CARD14: variants seen among roughly 807,000 people sequenced by gnomAD.
The protein encoded by CARD14 is caspase recruitment domain family member 14.
Under a neutral mutation model 111.5 loss-of-function variants are expected in CARD14, and 107 were observed. That is an observed-to-expected ratio of 0.96 (90% CI 0.82 to 1.13). CARD14 has a LOEUF of 1.13. Ranked by LOEUF, CARD14 falls within the 50% of genes most tolerant of loss-of-function variation. The probability of loss-of-function intolerance (pLI) is 0.00; values close to 1 mark genes in which losing one functional copy is unlikely to be tolerated. For missense variants in CARD14, 1,322 were observed against 1,362.3 expected (o/e 0.97, Z 0.47); for synonymous variants, 617 against 579.6 (o/e 1.06, Z -0.93).
intron 10 of CARD14, 43 bp from the exon 11 acceptor site, chr17:80,191,280 G>T (rs374706201): frequency 6.3e-7 from 1 of 1,593,058 alleles, no homozygotes; most frequent in African/African-American, 1.3e-5. Flanking sequence ...GAGGCTCCCC[G>T]GTGGTGATGG....
At chr17:80,200,134 A>T (rs1184644772) in intron 16 of CARD14, among the ~76,000 whole-genome samples, 1 of 150,632 alleles carries the variant, frequency 6.6e-6, no homozygotes, top group African/African-American at 2.5e-5. Context: ...CCAAATGCTG[A>T]GCTCCCCTAG....
chr17:80,209,284 GA>G lies in CARD14; in HGVS notation c.*944del. On this transcript the variant is annotated 3_prime_UTR_variant, in exon 24 of 24. Transcript: ENST00000648509. ...GTTGGTATCATCATAAATGAGTTCA[GA>G]AAAAGAACTTCTGTATATTTTACTA... is the stretch of plus-strand genomic sequence containing the variant. 1.0e-6 allele frequency: 1 copy of G among 982,642 alleles called. No homozygotes were observed. Among genetic ancestry groups the G allele is most frequent in the Non-Finnish European group, 1.2e-6 (1 of 827,400 alleles). The allele number at this position is 982,642 out of a possible 1,614,324, so 60.9% of individuals were successfully genotyped here.
In CARD14 at chr17:80,181,587, G is replaced by A. The variant is rs568127402; in HGVS notation, c.149G>A (p.Cys50Tyr). Reference protein sequence around the residue: ...TPYLRQAKVLCQLDEEEVLHS... With the variant: ...TPYLRQAKVLYQLDEEEVLHS... ...TACCTGCGCCAGGCCAAGGTGCTGT[G>A]CCAGCTGGACGAGGAGGAGGTGCTG... is the stretch of plus-strand genomic sequence containing the variant. Residue 50 changes from cysteine to tyrosine, a missense_variant, in exon 5 of 24, where the codon TGC (cysteine) becomes TAC (tyrosine). By Grantham distance (194) the Cys-to-Tyr change is radical (BLOSUM62 -2). Transcript: ENST00000648509. 1.7e-5 allele frequency: 26 copies of A among 1,563,038 alleles called. 1 individual carries two copies. In the Admixed American group the frequency reaches 1.9e-4, roughly 11 times the overall value.
At position 80,205,213 on chromosome 17, in the gene CARD14, G is replaced by A. The variant is rs373649706; in HGVS notation, c.2569+8G>A. ...TTAAGAAGTGCCTGGCAGGTATGCT[G>A]TTGCCTGGGAATCCCTCTACCCCTT... On this transcript the variant is annotated splice_region_variant and intron_variant, in intron 21 of 23. Transcript: ENST00000648509. 3 of 1,607,350 alleles carry A rather than the reference G, an allele frequency of 1.9e-6. No individual in the cohort carries two copies. The highest frequency in any genetic ancestry group is 2.6e-6 in the Non-Finnish European group (3 of 1,175,838).
At chr17:80,194,681 C>A (rs562961691) in intron 12 of CARD14, among the ~76,000 whole-genome samples, 5 of 152,096 alleles carry the variant, frequency 3.3e-5, no homozygotes, top group Non-Finnish European at 2.9e-5. Flanking sequence ...CTTCGCAGAG[C>A]GGCAGGAGAG....
chr17:80,184,239 G>GT lies in CARD14; in HGVS notation c.675+2dup. Reference sequence around the variant, plus strand: ...ACGCTGCCGCAGCCTGCAGGAGGAGGTAGGGGGACACCCTGCACCCCGGCG... The same window carrying GT: ...ACGCTGCCGCAGCCTGCAGGAGGAGGTTAGGGGGACACCCTGCACCCCGGCG... On this transcript the variant is annotated splice_donor_variant, in intron 7 of 23. Coordinates refer to ENST00000648509, the MANE Select transcript of CARD14 (RefSeq NM_001366385.1). LOFTEE classifies it high-confidence loss of function. The GT allele has an allele frequency of 6.6e-7, 1 of 1,519,178 alleles. No individual in the cohort carries two copies. The allele number at this position is 1,519,178 out of a possible 1,614,324, so 94.1% of individuals were successfully genotyped here.
chr17:80,202,617 A>G, intron 18 of CARD14, 197 bp downstream of exon 18: 1 of 1,423,568 alleles, frequency 7.0e-7, no homozygotes, highest in Non-Finnish European at 9.2e-7. Context: ...TGCAAATGAA[A>G]TGTTCATTCT....
rs2144263868 is a variant in CARD14 at position 80,191,019 on chromosome 17, T to G, written c.1089+120T>G. The G allele has an allele frequency of 2.2e-6, 3 of 1,369,420 alleles. No individual in the cohort carries two copies. In the South Asian group the frequency reaches 4.1e-5, roughly 19 times the overall value. 84.8% of individuals were successfully genotyped at this position (1,369,420 alleles called of 1,614,324 possible). A position where few individuals can be genotyped will look rare whatever the true frequency, so the allele number is the denominator to read the frequency against. On this transcript the variant is annotated intron_variant, in intron 10 of 23. Transcript: ENST00000648509. ...TGGCAGCTGGTCCCAGATTTCAGGG[T>G]CTCTTTCCTCGGTCCACACGAAGTT... is the stretch of plus-strand genomic sequence containing the variant.
intron 17 of CARD14, 128 bp from the exon 18 acceptor site, chr17:80,202,052 A>T: frequency 8.3e-7 from 1 of 1,200,710 alleles, no homozygotes; most frequent in Non-Finnish European, 1.2e-6. Context: ...CCACCCACTG[A>T]CTCCAGTGCC....
Position 80,189,087 on chromosome 17 carries a change from A to C in CARD14, c.843+543A>C, listed in dbSNP as rs1381121589. On this transcript the variant is annotated intron_variant, in intron 8 of 23. Coordinates refer to ENST00000648509, the MANE Select transcript of CARD14 (RefSeq NM_001366385.1). This position sits in a 1 kb window ranked among gnomAD's most constrained non-coding sequence, Gnocchi z 4.7. ...ATAAAAGCCGCTGGAGGTGCATCAC[A>C]ATGCCCGACTTGGTGGGTTTACTGC... 6.6e-6 allele frequency among the ~76,000 whole-genome samples: 1 copy of C among 152,092 alleles called. No individual in the cohort carries two copies. The highest frequency in any genetic ancestry group is 1.5e-5 in the Non-Finnish European group (1 of 68,022).
rs1170113307 is a variant in CARD14, at chr17:80,208,715, G to C, written c.*370G>C. 1.0e-5 allele frequency: 2 copies of C among 199,930 alleles called. No individual in the cohort carries two copies. Among genetic ancestry groups the C allele is most frequent in the Non-Finnish European group, 2.0e-5 (2 of 99,950 alleles). The allele number at this position is 199,930 out of a possible 1,614,324, so 12.4% of individuals were successfully genotyped here. A position where few individuals can be genotyped will look rare whatever the true frequency, so the allele number is the denominator to read the frequency against. On this transcript the variant is annotated 3_prime_UTR_variant, in exon 24 of 24. Transcript: ENST00000648509. ...TCTGCAGGCCCGATTCAAATCTATGGGGGCTGCACTTCCCTTTTACATTTT... is the reference window on the plus strand; with the variant it reads ...TCTGCAGGCCCGATTCAAATCTATGCGGGCTGCACTTCCCTTTTACATTTT...
chr17:80,180,753 T>G (rs1288627280), intron 4 of CARD14, among the ~76,000 whole-genome samples: 1 of 144,896 alleles, frequency 6.9e-6, no homozygotes, highest in Non-Finnish European at 1.5e-5. Context: ...TTTGTTTGTT[T>G]GTTTGTTTGT....
intron 12 of CARD14, 94 bp downstream of exon 12, chr17:80,192,713 C>A: frequency 1.2e-6 from 1 of 803,256 alleles, no homozygotes; most frequent in South Asian, 1.6e-5. Context: ...TCCTTCCACC[C>A]TGTCCCCACA....
In CARD14 at chr17:80,201,622, C is replaced by T. The variant is rs570710117; in HGVS notation, c.1852-122C>T. On this transcript the variant is annotated intron_variant, in intron 16 of 23. Coordinates refer to ENST00000648509, the MANE Select transcript of CARD14 (RefSeq NM_001366385.1). This position sits in a 1 kb window ranked among gnomAD's most constrained non-coding sequence, Gnocchi z 5.0. ...GTGGCTTTGTTTTGACCAAGGCGTGCAGGCAGTGGTCCTACGGCAGGGCTG... is the reference window on the plus strand; with the variant it reads ...GTGGCTTTGTTTTGACCAAGGCGTGTAGGCAGTGGTCCTACGGCAGGGCTG... 3.1e-6 allele frequency: 3 copies of T among 983,400 alleles called. No homozygotes were observed. Among genetic ancestry groups the T allele is most frequent in the South Asian group, 2.7e-5 (2 of 74,462 alleles). 60.9% of individuals were successfully genotyped at this position (983,400 alleles called of 1,614,324 possible). A position where few individuals can be genotyped will look rare whatever the true frequency, so the allele number is the denominator to read the frequency against.
intron 16 of CARD14, among the ~76,000 whole-genome samples, chr17:80,200,248 T>TG (rs2040899711): frequency 6.9e-6 from 1 of 144,048 alleles, no homozygotes; most frequent in Non-Finnish European, 1.5e-5. Flanking sequence ...TTTTTTTTTT[T>TG]TTTTTTGAGA....
At chr17:80,206,087 G>A (rs1355147217) in intron 22 of CARD14, 1 of 162,828 alleles carries the variant, frequency 6.1e-6, no homozygotes, top group African/African-American at 2.4e-5. Flanking sequence ...CTCATCCCCA[G>A]AGCTCACAAT....
chr17:80,186,336 C>T (rs576440266), intron 7 of CARD14, among the ~76,000 whole-genome samples: 2 of 152,344 alleles, frequency 1.3e-5, no homozygotes, highest in South Asian at 4.1e-4. Flanking sequence ...TCTGACCTCT[C>T]ACTGTCCTTA....
chr17:80,198,075 T>C lies in CARD14; in HGVS notation c.1595-24T>C, dbSNP rs762578326. 1.2e-6 allele frequency: 2 copies of C among 1,613,004 alleles called. No individual in the cohort carries two copies. The highest frequency in any genetic ancestry group is 1.7e-4 in the Middle Eastern group (1 of 5,832). ...CATCAGCAGTGGGGTGACCAAGATC[T>C]GTGAGCTCTTGGCTTCCTCCCAGAC... On this transcript the variant is annotated intron_variant, in intron 14 of 23. Transcript: ENST00000648509. This position sits in a 1 kb window ranked among gnomAD's most constrained non-coding sequence, Gnocchi z 7.5.
chr17:80,175,857 G>T (rs1346517723), intron 2 of CARD14, among the ~76,000 whole-genome samples: 1 of 151,210 alleles, frequency 6.6e-6, no homozygotes, highest in Non-Finnish European at 1.5e-5. Context: ...ACCGGGCACT[G>T]CAGGGACCTC....
Sources: gnomAD v4.1 joint callset for allele counts (sites outside exome capture counted in the v4.1 genomes callset) on GRCh38, gnomAD v4.1.1 for gene constraint, Gnocchi (gnomAD v3.1) non-coding constraint, MANE v1.5 for transcripts, NCBI Gene and HGNC (gene_info 2026-07-23, HGNC 2026-07-21) for gene names.